EFHC2: variants seen among roughly 807,000 people sequenced by gnomAD.
EFHC2 encodes the protein EF-hand domain containing 2.
Under a neutral mutation model 52.7 loss-of-function variants are expected in EFHC2, and 18 were observed. That is an observed-to-expected ratio of 0.34 (90% CI 0.24 to 0.51). The LOEUF is 0.51. Among genes scored for constraint, EFHC2 ranks in the 20% least tolerant of loss-of-function variants. The pLI is 0.97. For synonymous variants in EFHC2, 203 were observed against 204.1 expected, an observed-to-expected ratio of 0.99 and a Z score of 0.04; for missense variants, 513 against 562.5, an observed-to-expected ratio of 0.91 and a Z score of 0.89.
chrX:44,297,688 C>T lies in EFHC2; in HGVS notation c.231+14880G>A, dbSNP rs192531165. 2.7e-3 allele frequency among the ~76,000 whole-genome samples: 275 copies of T among 101,518 alleles called. 3 individuals are homozygous for T. The highest frequency in any genetic ancestry group is 9.5e-3 in the African/African-American group (259 of 27,347). 88.2% of individuals were successfully genotyped at this position (101,518 alleles called of 115,157 possible). On this transcript the variant is annotated intron_variant, in intron 2 of 14. Coordinates refer to ENST00000420999, the MANE Select transcript of EFHC2 (RefSeq NM_025184.4). ...AGGTTGCAGTGAGCTGAGATTGCAC[C>T]ACTGCACTCCAGCCTGGGCGACAGA...
intron 14 of EFHC2, among the ~76,000 whole-genome samples, chrX:44,152,178 AT>A (rs1349387144): frequency 8.9e-6 from 1 of 111,810 alleles, no homozygotes; most frequent in African/African-American, 3.3e-5. Flanking sequence ...TACATGGCTG[AT>A]ACTCTTTTAA....
Position 44,235,429 on chromosome X carries a change from A to G in EFHC2, c.1299T>C (p.Asn433=), listed in dbSNP as rs754267457. The G allele has an allele frequency of 4.2e-6, 5 of 1,194,384 alleles. No homozygotes were observed. In the South Asian group the frequency reaches 9.4e-5, roughly 22 times the overall value. ...CTAGTTTTGCAAAAAAACGGAGTAT[A>G]TTGCTTTTGGAGCCATAGCTAAATG... ...MEKDSYGSKS[N]ILRFFAKLVT... is the part of the protein sequence containing the mutation. Residue 433 remains asparagine, a synonymous_variant, in exon 9 of 15, where the codon AAT becomes AAC. Coordinates refer to ENST00000420999, the MANE Select transcript of EFHC2 (RefSeq NM_025184.4).
chrX:44,261,754 CAAAA>C (rs769527844), intron 3 of EFHC2, among the ~76,000 whole-genome samples: 1 of 32,482 alleles, frequency 3.1e-5, no homozygotes, highest in African/African-American at 1.1e-4. Context: ...ACTCATGGCT[CAAAA>C]AAAAAAAAAA....
chrX:44,151,216 C>G (rs2036567715), intron 14 of EFHC2, among the ~76,000 whole-genome samples: 1 of 111,571 alleles, frequency 9.0e-6, no homozygotes, highest in African/African-American at 3.3e-5. Flanking sequence ...TTAAGCAACT[C>G]AGTCTGTGGT....
chrX:44,287,928 G>T (rs748174141), intron 2 of EFHC2, among the ~76,000 whole-genome samples: 57 of 111,887 alleles, frequency 5.1e-4, no homozygotes, highest in Admixed American at 3.2e-3. Context: ...GAAACAAACT[G>T]CCCACTTTGT....
intron 1 of EFHC2, among the ~76,000 whole-genome samples, chrX:44,331,378 G>A (rs1284232647): frequency 8.9e-6 from 1 of 111,983 alleles, no homozygotes; most frequent in Admixed American, 9.5e-5. Flanking sequence ...GAATGGTAGG[G>A]TTGGGGGAGT....
chrX:44,339,393 T>C (rs2038139131), intron 1 of EFHC2, among the ~76,000 whole-genome samples: 1 of 111,453 alleles, frequency 9.0e-6, no homozygotes, highest in Non-Finnish European at 1.9e-5. Context: ...GCATGGAAAT[T>C]GTTGGAAAAA....
At chrX:44,149,342 G>T (rs1021648097) in intron 14 of EFHC2, among the ~76,000 whole-genome samples, 1 of 111,354 alleles carries the variant, frequency 9.0e-6, no homozygotes, top group Admixed American at 9.5e-5. Context: ...CTGGACTTGC[G>T]GACTAAGAGC....
chrX:44,173,429 C>T, intron 13 of EFHC2, among the ~76,000 whole-genome samples: 1 of 111,745 alleles, frequency 8.9e-6, no homozygotes. Flanking sequence ...AATAAGAATG[C>T]AGAATATAAA....
Position 44,196,260 on chromosome X carries a change from T to G in EFHC2, c.1752-17696A>C, listed in dbSNP as rs187049096. Among the ~76,000 whole-genome samples, 3 of 111,591 alleles carry G rather than the reference T, an allele frequency of 2.7e-5. No homozygotes were observed. The East Asian group carries it at 8.5e-4, about 32-fold the overall frequency. On this transcript the variant is annotated intron_variant, in intron 11 of 14. Coordinates refer to ENST00000420999, the MANE Select transcript of EFHC2 (RefSeq NM_025184.4). Reference sequence around the variant, plus strand: ...ACCATGAACGGATCATGGTCTCCTATTTTGCACTGACTTCTAGGAAGCTCA... The same window carrying G: ...ACCATGAACGGATCATGGTCTCCTAGTTTGCACTGACTTCTAGGAAGCTCA...
chrX:44,313,678 G>A (rs973347022), intron 1 of EFHC2, among the ~76,000 whole-genome samples: 1 of 111,635 alleles, frequency 9.0e-6, no homozygotes, highest in Admixed American at 9.6e-5. Context: ...TCTAGGCCAG[G>A]CACAGTGGCT....
chrX:44,302,701 T>C (rs1341203659), intron 2 of EFHC2, among the ~76,000 whole-genome samples: 4 of 112,104 alleles, frequency 3.6e-5, no homozygotes, highest in Non-Finnish European at 7.5e-5. Context: ...ATGTAAAACA[T>C]GGGATTAAAA....
chrX:44,280,269 A>C (rs1399100259), intron 2 of EFHC2, among the ~76,000 whole-genome samples: 1 of 111,381 alleles, frequency 9.0e-6, no homozygotes, highest in Non-Finnish European at 1.9e-5. Flanking sequence ...CAAAAAAAAA[A>C]CAGCATTTTA....
intron 11 of EFHC2, among the ~76,000 whole-genome samples, chrX:44,187,135 G>GTGTGTATATATATA (rs1556001678): frequency 1.6e-5 from 1 of 61,736 alleles, no homozygotes; most frequent in African/African-American, 8.2e-5. Context: ...AAACAAAATG[G>GTGTGTATATATATA]TATATATATA....
intron 3 of EFHC2, among the ~76,000 whole-genome samples, chrX:44,261,754 C>CAAAAAAA (rs769527844): frequency 3.1e-5 from 1 of 32,486 alleles, no homozygotes; most frequent in Non-Finnish European, 5.9e-5. Context: ...ACTCATGGCT[C>CAAAAAAA]AAAAAAAAAA....
rs181678968 is a variant in EFHC2, at chrX:44,319,924, A to T, written c.43-7168T>A. ...GAGCAGATAAGTTTTTATTTATTTT[A>T]TTTATTTTTTTTATTTTTTTATTTT... On this transcript the variant is annotated intron_variant, in intron 1 of 14. Coordinates refer to ENST00000420999, the MANE Select transcript of EFHC2 (RefSeq NM_025184.4). Among the ~76,000 whole-genome samples the T allele has an allele frequency of 3.2e-3, 355 of 110,866 alleles. 3 individuals carry two copies. The highest frequency in any genetic ancestry group is 0.011 in the African/African-American group (326 of 30,671).
chrX:44,297,654 G>A (rs1017388855), intron 2 of EFHC2, among the ~76,000 whole-genome samples: 1 of 106,601 alleles, frequency 9.4e-6, no homozygotes, highest in African/African-American at 3.4e-5. Context: ...ATTTGAAACC[G>A]AGAGGTGGAG....
chrX:44,216,689 T>A (rs1313526245), intron 11 of EFHC2, among the ~76,000 whole-genome samples: 2 of 111,216 alleles, frequency 1.8e-5, no homozygotes, highest in Non-Finnish European at 3.8e-5. Context: ...GAGACCCCTA[T>A]CTCTCACCAT....
intron 12 of EFHC2, among the ~76,000 whole-genome samples, chrX:44,176,692 A>G (rs1336252700): frequency 1.8e-5 from 2 of 112,443 alleles, no homozygotes; most frequent in Admixed American, 1.9e-4. Context: ...ATTGATCTGC[A>G]TTCTTGACCA....
Sources: gnomAD v4.1 joint callset for allele counts (sites outside exome capture counted in the v4.1 genomes callset) on GRCh38, gnomAD v4.1.1 for gene constraint, MANE v1.5 for transcripts, NCBI Gene and HGNC (gene_info 2026-07-23, HGNC 2026-07-21) for gene names.